RSRC1: variants seen among roughly 807,000 people sequenced by gnomAD.
RSRC1 encodes the protein arginine and serine rich coiled-coil 1.
In RSRC1, 39 loss-of-function variants were observed where a neutral mutation model predicts 49.1. The ratio of observed to expected loss-of-function variants is 0.79; its 90% CI spans 0.61 to 1.04. The LOEUF is 1.04. Ranked by LOEUF, RSRC1 falls within the 50% of genes least tolerant of loss-of-function variation. The pLI, the probability that RSRC1 is intolerant of heterozygous loss-of-function variation, is 0.00. For synonymous variants in RSRC1, 143 were observed against 130.8 expected, an observed-to-expected ratio of 1.09 and a Z score of -0.63; for missense variants, 388 against 402.4, an observed-to-expected ratio of 0.96 and a Z score of 0.31.
At chr3:158,436,870 C>T (rs1264194420) in intron 6 of RSRC1, among the ~76,000 whole-genome samples, 2 of 151,780 alleles carry the variant, frequency 1.3e-5, no homozygotes, top group Non-Finnish European at 2.9e-5. Flanking sequence ...GTATTATTAT[C>T]AATACAATTT....
chr3:158,449,854 C>T (rs1219138426), intron 6 of RSRC1, among the ~76,000 whole-genome samples: 2 of 151,902 alleles, frequency 1.3e-5, no homozygotes, highest in African/African-American at 2.4e-5. Flanking sequence ...TAGCTGTCCT[C>T]GGTTAAGTGT....
chr3:158,393,214 TAGAA>T (rs1733415468), intron 6 of RSRC1, among the ~76,000 whole-genome samples: 1 of 151,990 alleles, frequency 6.6e-6, no homozygotes, highest in Non-Finnish European at 1.5e-5. Flanking sequence ...ATCAAAAAGT[TAGAA>T]AGATCCCAAA....
At chr3:158,147,847 T>C (rs1340847108) in intron 3 of RSRC1, among the ~76,000 whole-genome samples, 1 of 152,198 alleles carries the variant, frequency 6.6e-6, no homozygotes, top group African/African-American at 2.4e-5. Context: ...TTATGTAGTC[T>C]AGCAGTGCTT....
At chr3:158,209,383 C>G (rs1163035737) in intron 4 of RSRC1, among the ~76,000 whole-genome samples, 2 of 152,042 alleles carry the variant, frequency 1.3e-5, no homozygotes, top group Non-Finnish European at 2.9e-5. Context: ...ATGCTGGCCT[C>G]TCAATCTTGG....
intron 3 of RSRC1, among the ~76,000 whole-genome samples, chr3:158,131,652 G>A (rs1716034658): frequency 6.6e-6 from 1 of 151,986 alleles, no homozygotes; most frequent in Non-Finnish European, 1.5e-5. Flanking sequence ...TTTCATAGTG[G>A]TATACTTTGC....
chr3:158,382,348 T>C (rs971391158), intron 6 of RSRC1, among the ~76,000 whole-genome samples: 3 of 152,164 alleles, frequency 2.0e-5, no homozygotes, highest in African/African-American at 7.2e-5. Context: ...AAAATAATGA[T>C]AAAAAGTATA....
chr3:158,214,238 G>T (rs1010741519), intron 4 of RSRC1, among the ~76,000 whole-genome samples: 6 of 151,670 alleles, frequency 4.0e-5, no homozygotes, highest in African/African-American at 1.5e-4. Flanking sequence ...TCAAAGAATT[G>T]GCTTATTCCA....
intron 7 of RSRC1, among the ~76,000 whole-genome samples, chr3:158,507,003 A>G (rs951651884): frequency 6.6e-6 from 1 of 152,080 alleles, no homozygotes; most frequent in African/African-American, 2.4e-5. Flanking sequence ...CCATTAATGG[A>G]TGAATGGATT....
At chr3:158,366,018 T>C (rs12054114) in intron 6 of RSRC1, among the ~76,000 whole-genome samples, 33,415 of 152,166 alleles carry the variant, frequency 0.22, 4,270 homozygotes, top group Non-Finnish European at 0.29. Context: ...GTAAATTTGT[T>C]TAAGTTCCTT....
chr3:158,499,714 T>C (rs567694690), intron 7 of RSRC1, among the ~76,000 whole-genome samples: 1 of 152,330 alleles, frequency 6.6e-6, no homozygotes, highest in East Asian at 1.9e-4. Context: ...AGCTACTGAT[T>C]TGTATACGTT....
At chr3:158,512,736 C>T (rs1394090495) in intron 7 of RSRC1, among the ~76,000 whole-genome samples, 2 of 151,414 alleles carry the variant, frequency 1.3e-5, no homozygotes, top group African/African-American at 4.8e-5. Context: ...ATTGATTCTT[C>T]CTACCCATGA....
chr3:158,329,404 G>A (rs1027687175), intron 5 of RSRC1, among the ~76,000 whole-genome samples: 3 of 152,190 alleles, frequency 2.0e-5, no homozygotes, highest in African/African-American at 7.2e-5. Flanking sequence ...GTGACATACA[G>A]TTGGGGTCTT....
At chr3:158,367,277 A>G (rs948282303) in intron 6 of RSRC1, among the ~76,000 whole-genome samples, 2 of 152,152 alleles carry the variant, frequency 1.3e-5, no homozygotes. Context: ...TGGGTTTGTC[A>G]TAAATAGCTC....
chr3:158,270,427 T>G (rs147374129), intron 4 of RSRC1, among the ~76,000 whole-genome samples: 91 of 152,258 alleles, frequency 6.0e-4, no homozygotes, highest in African/African-American at 2.2e-3. Context: ...TAAGCTCTAA[T>G]GGAATTGCGC....
chr3:158,196,376 C>T (rs954206013), intron 3 of RSRC1, among the ~76,000 whole-genome samples: 14 of 152,172 alleles, frequency 9.2e-5, no homozygotes, highest in East Asian at 3.8e-4. Context: ...GCTGAAGTTG[C>T]TTATCAGCTT....
chr3:158,250,534 T>C (rs1210145255), intron 4 of RSRC1, among the ~76,000 whole-genome samples: 1 of 152,202 alleles, frequency 6.6e-6, no homozygotes, highest in Non-Finnish European at 1.5e-5. Flanking sequence ...AATGTTTTGT[T>C]GTAGTTTGGA....
intron 4 of RSRC1, among the ~76,000 whole-genome samples, chr3:158,286,547 G>A (rs1726574899): frequency 6.6e-6 from 1 of 152,260 alleles, no homozygotes; most frequent in African/African-American, 2.4e-5. Context: ...GTGCAAAGAG[G>A]TCTTTAGGAA....
At chr3:158,318,280 A>G (rs1469579812) in intron 5 of RSRC1, among the ~76,000 whole-genome samples, 1 of 152,120 alleles carries the variant, frequency 6.6e-6, no homozygotes, top group African/African-American at 2.4e-5. Context: ...TTACCATATG[A>G]CAGTCTCCTA....
chr3:158,200,509 G>A (rs1447900742), intron 3 of RSRC1, among the ~76,000 whole-genome samples: 1 of 151,980 alleles, frequency 6.6e-6, no homozygotes, highest in Non-Finnish European at 1.5e-5. Flanking sequence ...GATATAATTA[G>A]ATTTAAGTCT....
Sources: allele counts gnomAD v4.1 joint callset (sites outside exome capture counted in the v4.1 genomes callset), GRCh38; gene constraint gnomAD v4.1.1; transcripts MANE v1.5; gene names NCBI Gene and HGNC (gene_info 2026-07-23, HGNC 2026-07-21).